The following ZNF804B variants were observed in gnomAD, a reference collection of about 807,000 sequenced individuals.
ZNF804B encodes the protein zinc finger protein 804B, also known as zinc finger 804B.
Under a neutral mutation model 101.4 loss-of-function variants are expected in ZNF804B, and 80 were observed. The observed-to-expected ratio is 0.79, with a 90% CI of 0.66 to 0.95. The LOEUF is 0.95. Ranked by LOEUF, ZNF804B falls within the 40% of genes least tolerant of loss-of-function variation. The pLI, the probability that ZNF804B is intolerant of heterozygous loss-of-function variation, is 0.00. For synonymous variants in ZNF804B, 622 were observed against 558.8 expected (o/e 1.11, Z -1.59); for missense variants, 1,673 against 1,561.9 (o/e 1.07, Z -1.20).
intron 1 of ZNF804B, among the ~76,000 whole-genome samples, chr7:89,201,810 A>T (rs533053190): frequency 1.3e-5 from 2 of 152,134 alleles, no homozygotes; most frequent in East Asian, 3.9e-4. Context: ...TAAAAATCTC[A>T]TCAAGTGTCA....
intron 2 of ZNF804B, among the ~76,000 whole-genome samples, chr7:89,233,015 G>A (rs945505814): frequency 9.2e-5 from 14 of 152,050 alleles, no homozygotes; most frequent in African/African-American, 2.7e-4. Flanking sequence ...TCCGCCTCCC[G>A]GGTTCACGCC....
chr7:88,882,885 T>C (rs1792064960), intron 1 of ZNF804B, among the ~76,000 whole-genome samples: 1 of 151,794 alleles, frequency 6.6e-6, no homozygotes, highest in Admixed American at 6.6e-5. Flanking sequence ...GGGACAAGGG[T>C]TGAAAAATTA....
intron 1 of ZNF804B, among the ~76,000 whole-genome samples, chr7:88,870,384 C>CAAAAAAAAAAAAAAAAAAAAAAAA (rs1212123301): frequency 2.8e-5 from 1 of 36,078 alleles, no homozygotes; most frequent in Non-Finnish European, 5.4e-5. Flanking sequence ...AACTCCGTCT[C>CAAAAAAAAAAAAAAAAAAAAAAAA]AAAAAAAAAA....
At chr7:88,771,232 A>G (rs1790056488) in intron 1 of ZNF804B, among the ~76,000 whole-genome samples, 1 of 152,128 alleles carries the variant, frequency 6.6e-6, no homozygotes, top group Non-Finnish European at 1.5e-5. Flanking sequence ...TAGGGAAAAA[A>G]GCATTAGTTT....
intron 2 of ZNF804B, among the ~76,000 whole-genome samples, chr7:89,321,318 A>C (rs1342900264): frequency 6.6e-6 from 1 of 152,024 alleles, no homozygotes; most frequent in Non-Finnish European, 1.5e-5. Flanking sequence ...GTCTCTACTA[A>C]AAATACAAAA....
At chr7:88,954,059 T>A (rs918823153) in intron 1 of ZNF804B, among the ~76,000 whole-genome samples, 2 of 151,758 alleles carry the variant, frequency 1.3e-5, no homozygotes, top group African/African-American at 4.8e-5. Context: ...CTTTCAGTAT[T>A]TTCCATACTA....
chr7:89,164,623 A>G (rs1030683101), intron 1 of ZNF804B, among the ~76,000 whole-genome samples: 2 of 152,128 alleles, frequency 1.3e-5, no homozygotes, highest in African/African-American at 4.8e-5. Flanking sequence ...ACTGTCCACC[A>G]TGTCTTTAAA....
chr7:89,237,224 G>A (rs1257289141), intron 2 of ZNF804B, among the ~76,000 whole-genome samples: 1 of 152,108 alleles, frequency 6.6e-6, no homozygotes, highest in East Asian at 1.9e-4. Context: ...TTCAAAATAT[G>A]TGTATATAGT....
At chr7:89,296,003 T>A (rs1453089716) in intron 2 of ZNF804B, among the ~76,000 whole-genome samples, 1 of 151,234 alleles carries the variant, frequency 6.6e-6, no homozygotes, top group African/African-American at 2.4e-5. Context: ...TCGGAAGGAG[T>A]AGGGTGGAAG....
chr7:89,247,054 GA>G (rs1309983721), intron 2 of ZNF804B, among the ~76,000 whole-genome samples: 1 of 152,146 alleles, frequency 6.6e-6, no homozygotes, highest in Non-Finnish European at 1.5e-5. Flanking sequence ...CAGACATCTG[GA>G]GCACCCACTC....
At chr7:88,955,895 CA>C (rs748009457) in intron 1 of ZNF804B, among the ~76,000 whole-genome samples, 15 of 148,656 alleles carry the variant, frequency 1.0e-4, no homozygotes, top group African/African-American at 1.2e-4. Context: ...AACTCAAAGG[CA>C]AAAAAAAATT....
rs1442825261 is a variant in ZNF804B at position 89,192,809 on chromosome 7, C to A, written c.109-25346C>A. Among the ~76,000 whole-genome samples the A allele has an allele frequency of 3.9e-5, 6 of 152,124 alleles. No homozygotes were observed. The East Asian group carries it at 9.7e-4, about 25-fold the overall frequency. On this transcript the variant is annotated intron_variant, in intron 1 of 3. Transcript: ENST00000333190. The stretch of plus-strand genomic sequence containing the variant: ...CATCAAAAAGCCTATCCACCATGAT[C>A]AAATAGTATTTATCCCAGGATGCAA...
At chr7:88,968,558 T>G (rs1449614455) in intron 1 of ZNF804B, among the ~76,000 whole-genome samples, 1 of 151,642 alleles carries the variant, frequency 6.6e-6, no homozygotes, top group South Asian at 2.1e-4. Flanking sequence ...ACTGATATGG[T>G]GAGTGCCTTG....
intron 2 of ZNF804B, among the ~76,000 whole-genome samples, chr7:89,293,881 G>A (rs776272231): frequency 4.6e-5 from 7 of 151,740 alleles, no homozygotes; most frequent in Non-Finnish European, 8.8e-5. Flanking sequence ...GAGATCACAT[G>A]CAATATTTTT....
intron 1 of ZNF804B, among the ~76,000 whole-genome samples, chr7:88,975,138 A>G (rs906068391): frequency 1.8e-4 from 27 of 151,504 alleles, no homozygotes; most frequent in African/African-American, 5.5e-4. Flanking sequence ...ATAGTACTCC[A>G]TTGGGCATAT....
At chr7:89,200,534 C>T (rs943962094) in intron 1 of ZNF804B, among the ~76,000 whole-genome samples, 5 of 151,974 alleles carry the variant, frequency 3.3e-5, no homozygotes, top group African/African-American at 1.2e-4. Context: ...CAGAGAATGT[C>T]AAGGTGAAGA....
intron 1 of ZNF804B, among the ~76,000 whole-genome samples, chr7:88,778,943 C>A (rs147475283): frequency 1.0e-3 from 156 of 152,190 alleles, no homozygotes; most frequent in African/African-American, 3.3e-3. Flanking sequence ...GCTCATGGCT[C>A]CCCAGTTCCA....
intron 1 of ZNF804B, among the ~76,000 whole-genome samples, chr7:89,057,549 G>A (rs560370729): frequency 5.3e-5 from 8 of 152,084 alleles, no homozygotes; most frequent in East Asian, 1.9e-4. Flanking sequence ...TATACCATTC[G>A]AAGTCACTGC....
intron 1 of ZNF804B, among the ~76,000 whole-genome samples, chr7:88,907,556 T>C (rs1792491653): frequency 6.6e-6 from 1 of 152,014 alleles, no homozygotes; most frequent in African/African-American, 2.4e-5. Context: ...TCCCTTATGA[T>C]AATTTTATGA....
Sources: gnomAD v4.1 joint callset for allele counts (sites outside exome capture counted in the v4.1 genomes callset) on GRCh38, gnomAD v4.1.1 for gene constraint, MANE v1.5 for transcripts, NCBI Gene and HGNC (gene_info 2026-07-23, HGNC 2026-07-21) for gene names.